The following UGT2B15 variants were observed in gnomAD, a reference collection of about 807,000 sequenced individuals.
The protein encoded by UGT2B15 is UDP glucuronosyltransferase family 2 member B15.
UGT2B15 carries 36 observed loss-of-function variants against 45.9 expected under a neutral mutation model. The ratio of observed to expected loss-of-function variants is 0.78; its 90% CI spans 0.60 to 1.04. The LOEUF is 1.04. Ranked by LOEUF, UGT2B15 falls within the 50% of genes least tolerant of loss-of-function variation. The probability of loss-of-function intolerance (pLI) is 0.00; values close to 1 mark genes in which losing one functional copy is unlikely to be tolerated. For synonymous variants in UGT2B15, 219 were observed against 216.4 expected, an observed-to-expected ratio of 1.01 and a Z score of -0.11; for missense variants, 617 against 622.4, an observed-to-expected ratio of 0.99 and a Z score of 0.09.
intron 2 of UGT2B15, among the ~76,000 whole-genome samples, chr4:68,666,846 A>T (rs1354906953): frequency 6.6e-6 from 1 of 150,522 alleles, no homozygotes; most frequent in African/African-American, 2.4e-5. Context: ...TCCGGGGTTC[A>T]AGTGATTCTC....
chr4:68,669,989 C>A lies in UGT2B15; in HGVS notation c.630G>T (p.Glu210Asp). The change falls in exon 1 of 6, where the codon GAG becomes GAT. Residue 210 changes from glutamate to aspartate, a missense_variant. By Grantham distance (45) the Glu-to-Asp change is conservative. Transcript: ENST00000338206. ...GCATATGTATCATATTTTTTATCCT[C>A]TCCATGAAAATCATTTGATCACTTA... ...SELSDQMIFM[E>D]RIKNMIHMLY... 1 of 1,613,850 alleles carries A rather than the reference C, an allele frequency of 6.2e-7. No individual in the cohort carries two copies. The highest frequency in any genetic ancestry group is 8.5e-7 in the Non-Finnish European group (1 of 1,179,924).
At chr4:68,669,579 G>T (rs569334359) in intron 1 of UGT2B15, among the ~76,000 whole-genome samples, 1 of 151,906 alleles carries the variant, frequency 6.6e-6, no homozygotes, top group Admixed American at 6.6e-5. Context: ...TGTTTCTTGA[G>T]GTATCTATTG....
chr4:68,648,849 T>C (rs1376988520), intron 5 of UGT2B15, among the ~76,000 whole-genome samples: 1 of 152,094 alleles, frequency 6.6e-6, no homozygotes, highest in Non-Finnish European at 1.5e-5. Flanking sequence ...AGTTGTTTAA[T>C]AGCATTGGTG....
intron 5 of UGT2B15, 141 bp from the exon 6 acceptor site, chr4:68,647,524 T>A: frequency 9.2e-7 from 1 of 1,091,734 alleles, no homozygotes; most frequent in Non-Finnish European, 1.3e-6. Context: ...TTCAATGTTT[T>A]AATTCATGTC....
At position 68,663,211 on chromosome 4, in the gene UGT2B15, A is replaced by G. The variant is rs1429417345; in HGVS notation, c.874-72T>C. ...AAACACTATTGACAGGATTGTTACA[A>G]ACATCTAAGATGAGAAAGTCAGAAG... On this transcript the variant is annotated intron_variant, in intron 2 of 5. Coordinates refer to ENST00000338206, the MANE Select transcript of UGT2B15 (RefSeq NM_001076.4). 8.5e-5 allele frequency: 128 copies of G among 1,497,524 alleles called. 1 individual carries two copies. Among genetic ancestry groups the G allele is most frequent in the Non-Finnish European group, 1.1e-4 (124 of 1,123,636 alleles). 92.8% of individuals were successfully genotyped at this position (1,497,524 alleles called of 1,614,324 possible).
At position 68,659,884 on chromosome 4, in the gene UGT2B15, G is replaced by A. The variant is rs183711139; in HGVS notation, c.1005+3124C>T. 8.7e-3 allele frequency among the ~76,000 whole-genome samples: 1,310 copies of A among 151,166 alleles called. 29 individuals are homozygous for A. The highest frequency in any genetic ancestry group is 0.03 in the African/African-American group (1,246 of 41,262). On this transcript the variant is annotated intron_variant, in intron 3 of 5. Coordinates refer to ENST00000338206, the MANE Select transcript of UGT2B15 (RefSeq NM_001076.4). ...TGGACTGAAATAATAAAAAACTAAA[G>A]TAATCTTTTAGACTTTGCTTAAAAC...
At chr4:68,669,357 A>G (rs1578202035) in intron 1 of UGT2B15, among the ~76,000 whole-genome samples, 1 of 152,262 alleles carries the variant, frequency 6.6e-6, no homozygotes, top group African/African-American at 2.4e-5. Flanking sequence ...ATGTATAAAC[A>G]TTAGAAATCT....
intron 1 of UGT2B15, 124 bp downstream of exon 1, chr4:68,669,771 T>C: frequency 7.4e-7 from 1 of 1,354,536 alleles, no homozygotes; most frequent in Non-Finnish European, 1.0e-6. Context: ...ATAGATCATC[T>C]TACATTTGCA....
rs1301755704 is a variant in UGT2B15, at chr4:68,657,376, A to T, written c.1006-2194T>A. Among the ~76,000 whole-genome samples, 3 of 152,098 alleles carry T rather than the reference A, an allele frequency of 2.0e-5. No homozygotes were observed. The East Asian group carries it at 5.8e-4, about 29-fold the overall frequency. On this transcript the variant is annotated intron_variant, in intron 3 of 5. Coordinates refer to ENST00000338206, the MANE Select transcript of UGT2B15 (RefSeq NM_001076.4). ...TTTTGAGCCCTCTCAGAGGTCATAC[A>T]CCTCTGGAGAGAGAAACTGAGACAT...
intron 2 of UGT2B15, among the ~76,000 whole-genome samples, chr4:68,665,075 T>C (rs1733081094): frequency 6.6e-6 from 1 of 152,166 alleles, no homozygotes; most frequent in African/African-American, 2.4e-5. Context: ...ACTGATCTCA[T>C]TCTGTGATGT....
At chr4:68,656,922 G>T (rs537906012) in intron 3 of UGT2B15, among the ~76,000 whole-genome samples, 1 of 152,152 alleles carries the variant, frequency 6.6e-6, no homozygotes, top group Admixed American at 6.5e-5. Context: ...AATGGCAGAC[G>T]AGTTACAAAG....
chr4:68,647,085 C>G lies in UGT2B15; in HGVS notation c.*19G>C, dbSNP rs1463555074. On this transcript the variant is annotated 3_prime_UTR_variant, in exon 6 of 6. Coordinates refer to ENST00000338206, the MANE Select transcript of UGT2B15 (RefSeq NM_001076.4). ...GGAGTCCCATCTTTCAGTCATTCCA[C>G]TTCAGGCTTTTGATATAACTAATCT... 1.2e-6 allele frequency: 2 copies of G among 1,602,140 alleles called. No individual in the cohort carries two copies. Among genetic ancestry groups the G allele is most frequent in the Non-Finnish European group, 1.7e-6 (2 of 1,172,894 alleles).
intron 5 of UGT2B15, 89 bp from the exon 6 acceptor site, chr4:68,647,472 C>A (rs1398069981): frequency 1.4e-6 from 2 of 1,382,436 alleles, no homozygotes; most frequent in Non-Finnish European, 1.9e-6. Context: ...AAAAGTGTCA[C>A]ACAAATGATT....
In UGT2B15 at chr4:68,655,013, A is replaced by C. The variant is rs1174774823; in HGVS notation, c.1093+82T>G. ...TTTAGTTTTCCAATAATAAATGCTA[A>C]ATATGTTTGTTTTATGTTGAACTAT... On this transcript the variant is annotated intron_variant, in intron 4 of 5. Coordinates refer to ENST00000338206, the MANE Select transcript of UGT2B15 (RefSeq NM_001076.4). The C allele has an allele frequency of 2.7e-6, 4 of 1,469,722 alleles. No homozygotes were observed. In the African/African-American group the frequency reaches 5.7e-5, roughly 21 times the overall value. 91.0% of individuals were successfully genotyped at this position (1,469,722 alleles called of 1,614,324 possible).
intron 5 of UGT2B15, among the ~76,000 whole-genome samples, chr4:68,648,101 C>A (rs1578192489): frequency 6.6e-6 from 1 of 152,160 alleles, no homozygotes; most frequent in East Asian, 1.9e-4. Context: ...CTACTCTAAT[C>A]TTTTGTCTTC....
intron 5 of UGT2B15, among the ~76,000 whole-genome samples, chr4:68,653,402 T>C (rs1732710154): frequency 6.6e-6 from 1 of 152,050 alleles, no homozygotes. Flanking sequence ...CCATAAATTG[T>C]ATGATTTCAT....
chr4:68,648,927 GTGT>G (rs1419988277), intron 5 of UGT2B15, among the ~76,000 whole-genome samples: 3 of 151,942 alleles, frequency 2.0e-5, no homozygotes, highest in Non-Finnish European at 4.4e-5. Flanking sequence ...ATGGATATTT[GTGT>G]TGTTAACATT....
chr4:68,652,803 A>G (rs1732696099), intron 5 of UGT2B15, among the ~76,000 whole-genome samples: 2 of 151,994 alleles, frequency 1.3e-5, no homozygotes. Flanking sequence ...TAATATATAA[A>G]TAATTCTTAT....
Position 68,668,165 on chromosome 4 carries a change from T to A in UGT2B15, c.748A>T (p.Thr250Ser), listed in dbSNP as rs1384989527. ...AGCCACATTTCAGCTTTCCCCATTG[T>A]CTCAAATAATGTAGTGGGTCTTCCT... ...VLGRPTTLFE[T>S]MGKAEMWLIR... Residue 250 changes from threonine to serine, a missense_variant, in exon 2 of 6, where the codon ACA becomes TCA. Physicochemically the swap from Thr to Ser is moderately conservative, Grantham distance 58 (BLOSUM62 1). Transcript: ENST00000338206. The A allele has an allele frequency of 6.2e-7, 1 of 1,612,910 alleles. No homozygotes were observed. Among genetic ancestry groups the A allele is most frequent in the African/African-American group, 1.3e-5 (1 of 74,856 alleles).
Sources: allele counts gnomAD v4.1 joint callset (sites outside exome capture counted in the v4.1 genomes callset), GRCh38; gene constraint gnomAD v4.1.1; transcripts MANE v1.5; gene names NCBI Gene and HGNC (gene_info 2026-07-23, HGNC 2026-07-21).